Variants in KIAA0586 observed in about 807,000 individuals in gnomAD.
The protein encoded by KIAA0586 is protein TALPID3.
KIAA0586 carries 144 observed loss-of-function variants against 169.8 expected under a neutral mutation model. That is an observed-to-expected ratio of 0.85 (90% CI 0.74 to 0.97). The LOEUF (loss-of-function observed/expected upper bound fraction) is 0.97. KIAA0586 is among the 50% of genes least tolerant of loss of function. The pLI is 0.00. For missense variants in KIAA0586, 1,854 were observed against 1,823.0 expected, an observed-to-expected ratio of 1.02 and a Z score of -0.31; for synonymous variants, 625 against 612.4, an observed-to-expected ratio of 1.02 and a Z score of -0.30.
intron 8 of KIAA0586, among the ~76,000 whole-genome samples, chr14:58,451,758 A>G (rs1368140289): frequency 6.6e-6 from 1 of 151,978 alleles, no homozygotes; most frequent in Non-Finnish European, 1.5e-5. Flanking sequence ...ATCTCAGCTC[A>G]CTGCAACCTC....
intron 30 of KIAA0586, among the ~76,000 whole-genome samples, chr14:58,542,549 A>T (rs1447593120): frequency 6.6e-6 from 1 of 152,208 alleles, no homozygotes. Flanking sequence ...TATTGCTATA[A>T]CTTCTTGATT....
intron 29 of KIAA0586, among the ~76,000 whole-genome samples, chr14:58,514,736 G>A (rs912391374): frequency 7.2e-5 from 11 of 151,888 alleles, no homozygotes; most frequent in Non-Finnish European, 1.2e-4. Context: ...TTTTAATTTG[G>A]TATTGAATTT....
In KIAA0586 at chr14:58,428,418, C is replaced by A; in HGVS notation, c.154C>A (p.Arg52Ser). 6.2e-7 allele frequency: 1 copy of A among 1,613,940 alleles called. No individual in the cohort carries two copies. Among genetic ancestry groups the A allele is most frequent in the Non-Finnish European group, 8.5e-7 (1 of 1,179,852 alleles). ...TCCTCCGGCATTGTCTGCAAATAAA[C>A]GTCTTCCTGTTGGAACGGGGACTAG... ...CVPPALSANK[R>S]LPVGTGTSLN... Residue 52 changes from arginine (R) to serine (S), a missense_variant, in exon 1 of 31, where the codon CGT becomes AGT. Arg to Ser is a moderately radical substitution (Grantham distance 110). Transcript: ENST00000652326.
chr14:58,557,899 A>ATTTTTTTT, the KIAA0586 span, among the ~76,000 whole-genome samples: 18 of 46,580 alleles, frequency 3.9e-4, no homozygotes, highest in Non-Finnish European at 5.5e-4. Flanking sequence ...ATCCTGAGAA[A>ATTTTTTTT]TCTTTTTTTT....
intron 29 of KIAA0586, among the ~76,000 whole-genome samples, chr14:58,539,065 C>T (rs1166510989): frequency 2.0e-5 from 3 of 152,166 alleles, no homozygotes; most frequent in Non-Finnish European, 4.4e-5. Context: ...CAGGCATGAA[C>T]CACCTCACCC....
intron 27 of KIAA0586, among the ~76,000 whole-genome samples, chr14:58,504,776 T>C (rs533554827): frequency 1.7e-4 from 26 of 152,314 alleles, no homozygotes; most frequent in African/African-American, 5.8e-4. Context: ...AGCACTGTTA[T>C]GATTGCTGTC....
chr14:58,458,099 G>A, intron 11 of KIAA0586, 120 bp downstream of exon 11: 1 of 660,558 alleles, frequency 1.5e-6, no homozygotes, highest in South Asian at 2.3e-5. Context: ...GTTCTTTATT[G>A]ACTTTGAAGA....
At chr14:58,540,181 AT>A in intron 30 of KIAA0586, 45 bp downstream of exon 30, 1 of 1,056,008 alleles carries the variant, frequency 9.5e-7, no homozygotes, top group Non-Finnish European at 1.4e-6. Flanking sequence ...AGCTGTTCAG[AT>A]TTTTTCATTT....
intron 15 of KIAA0586, among the ~76,000 whole-genome samples, chr14:58,466,764 C>A (rs1595225202): frequency 6.6e-6 from 1 of 152,152 alleles, no homozygotes; most frequent in Non-Finnish European, 1.5e-5. Flanking sequence ...CATGGACATT[C>A]ATAATAATTC....
In KIAA0586 at chr14:58,488,114, A is replaced by G; in HGVS notation, c.3527+5A>G. On this transcript the variant is annotated splice_donor_5th_base_variant and intron_variant, in intron 23 of 30. Transcript: ENST00000652326. ...AGAACTTCATCCAAGAGCTATGTAA[A>G]TGAGAACATACTCACTAGTAACTGT... is the stretch of plus-strand genomic sequence containing the variant. The G allele has an allele frequency of 6.4e-7, 1 of 1,569,442 alleles. No individual in the cohort carries two copies.
the KIAA0586 span, among the ~76,000 whole-genome samples, chr14:58,561,557 CT>C: frequency 6.6e-6 from 1 of 152,062 alleles, no homozygotes; most frequent in African/African-American, 2.4e-5. Flanking sequence ...AACATACTTT[CT>C]TTTTTCATTT....
At chr14:58,528,089 GAT>G (rs1020614328) in intron 29 of KIAA0586, among the ~76,000 whole-genome samples, 2 of 152,042 alleles carry the variant, frequency 1.3e-5, no homozygotes, top group African/African-American at 4.8e-5. Context: ...AACCAACAAA[GAT>G]AAAAAAAGAC....
intron 29 of KIAA0586, among the ~76,000 whole-genome samples, chr14:58,520,757 T>G (rs2045153343): frequency 6.6e-6 from 1 of 151,902 alleles, no homozygotes; most frequent in Non-Finnish European, 1.5e-5. Flanking sequence ...AACTCCTGGG[T>G]TCAAGCAGTC....
At chr14:58,555,099 C>CTT (rs35845234), downstream of KIAA0586, among the ~76,000 whole-genome samples, 1,729 of 102,548 alleles carry the variant, frequency 0.017, 61 homozygotes, top group Middle Eastern at 0.024. Flanking sequence ...TTCTTTCTTT[C>CTT]TTTTTTTTTT....
At chr14:58,530,529 A>G (rs548001013) in intron 29 of KIAA0586, among the ~76,000 whole-genome samples, 12 of 152,374 alleles carry the variant, frequency 7.9e-5, no homozygotes, top group East Asian at 3.9e-4. Context: ...GGCCTAATAA[A>G]TAACACCACA....
rs78009437 is a variant in KIAA0586, at chr14:58,465,920, T to A, written c.2145T>A (p.Val715=). The A allele has an allele frequency of 5.0e-6, 8 of 1,612,860 alleles. No individual in the cohort carries two copies. The highest frequency in any genetic ancestry group is 6.8e-6 in the Non-Finnish European group (8 of 1,178,960). The change falls in exon 15 of 31, where the codon GTT becomes GTA. Residue 715 remains valine (V), a synonymous_variant. Transcript: ENST00000652326. ...KKMDSKMKHS[V]PVLPHGDQQY... is the part of the protein sequence containing the mutation. ...TGGATTCTAAAATGAAACATTCTGT[T>A]CCTGTGTTACCTCATGGCGATCAGC...
At chr14:58,531,326 CA>C (rs1025870057) in intron 29 of KIAA0586, among the ~76,000 whole-genome samples, 400 of 96,130 alleles carry the variant, frequency 4.2e-3, no homozygotes, top group East Asian at 0.012. Context: ...GACTCCGTCT[CA>C]AAAAAAAAAA....
intron 16 of KIAA0586, among the ~76,000 whole-genome samples, chr14:58,469,908 G>C (rs1344587136): frequency 1.3e-5 from 2 of 152,068 alleles, no homozygotes; most frequent in Admixed American, 6.5e-5. Flanking sequence ...GTGAGGGTTG[G>C]GTAAAACTTA....
At chr14:58,503,195 C>T (rs1245959005) in intron 27 of KIAA0586, among the ~76,000 whole-genome samples, 1 of 152,138 alleles carries the variant, frequency 6.6e-6, no homozygotes, top group Non-Finnish European at 1.5e-5. Context: ...CACTGTATAC[C>T]TAGAACTATG....
Sources: gnomAD v4.1 joint callset for allele counts (sites outside exome capture counted in the v4.1 genomes callset) on GRCh38, gnomAD v4.1.1 for gene constraint, MANE v1.5 for transcripts, NCBI Gene and HGNC (gene_info 2026-07-23, HGNC 2026-07-21) for gene names.